Variants in PLEKHA7 observed in about 807,000 individuals in gnomAD.
PLEKHA7 encodes the protein pleckstrin homology domain containing A7, also known as pleckstrin homology domain-containing family A member 7.
In PLEKHA7, 104 loss-of-function variants were observed where a neutral mutation model predicts 170.0. The observed-to-expected ratio is 0.61, with a 90% CI of 0.52 to 0.72. The LOEUF is 0.72. PLEKHA7 is among the 30% of genes least tolerant of loss of function. PLEKHA7 has a pLI of 0.00. For synonymous variants in PLEKHA7, 648 were observed against 660.8 expected (o/e 0.98, Z 0.30); for missense variants, 1,615 against 1,671.7 (o/e 0.97, Z 0.59).
chr11:16,878,284 C>T (rs1855457422), intron 3 of PLEKHA7, among the ~76,000 whole-genome samples: 1 of 152,180 alleles, frequency 6.6e-6, no homozygotes, highest in Non-Finnish European at 1.5e-5. Flanking sequence ...TCTGCTTCTA[C>T]CTTGGCCTCT....
chr11:16,909,891 T>G (rs1327627080), intron 3 of PLEKHA7, among the ~76,000 whole-genome samples: 5 of 152,078 alleles, frequency 3.3e-5, no homozygotes, highest in Non-Finnish European at 7.4e-5. Context: ...TTCGGAAACC[T>G]CACCATAAAA....
At chr11:16,786,879 G>A (rs1157372485) in intron 23 of PLEKHA7, 2 of 985,082 alleles carry the variant, frequency 2.0e-6, no homozygotes, top group Admixed American at 6.2e-5. Context: ...TTCGTAGGTG[G>A]GGGATCTCGC....
At chr11:16,960,536 AGG>A (rs1861992719) in intron 3 of PLEKHA7, among the ~76,000 whole-genome samples, 1 of 152,042 alleles carries the variant, frequency 6.6e-6, no homozygotes, top group Admixed American at 6.5e-5. Flanking sequence ...GCGTCGCCCT[AGG>A]GGTTCTAGGA....
At chr11:16,811,175 C>A (rs941159571) in intron 13 of PLEKHA7, among the ~76,000 whole-genome samples, 4 of 152,202 alleles carry the variant, frequency 2.6e-5, no homozygotes, top group Non-Finnish European at 5.9e-5. Context: ...ACTCCAGGAC[C>A]AACTGTGAGT....
intron 3 of PLEKHA7, among the ~76,000 whole-genome samples, chr11:16,896,455 T>A (rs1193074463): frequency 2.0e-5 from 3 of 152,034 alleles, no homozygotes; most frequent in Non-Finnish European, 4.4e-5. Flanking sequence ...CTGGAAGGCA[T>A]CCTACCTTTT....
At chr11:16,994,696 A>T (rs2136984189) in intron 3 of PLEKHA7, among the ~76,000 whole-genome samples, 1 of 152,168 alleles carries the variant, frequency 6.6e-6, no homozygotes, top group East Asian at 1.9e-4. Context: ...TGCCTGTGCT[A>T]TCCCTCTCCC....
chr11:16,866,370 T>C (rs1199812032), intron 4 of PLEKHA7, among the ~76,000 whole-genome samples: 1 of 151,774 alleles, frequency 6.6e-6, no homozygotes, highest in East Asian at 2.0e-4. Context: ...GGCGGGCAGA[T>C]CACCTGAGGT....
intron 9 of PLEKHA7, among the ~76,000 whole-genome samples, chr11:16,833,243 AGAG>A (rs1159696550): frequency 6.6e-6 from 1 of 152,154 alleles, no homozygotes; most frequent in Non-Finnish European, 1.5e-5. Context: ...TCCCTCCCAC[AGAG>A]AAGAGCGAGG....
chr11:16,871,634 T>A (rs942580571), intron 3 of PLEKHA7, among the ~76,000 whole-genome samples: 1 of 152,192 alleles, frequency 6.6e-6, no homozygotes, highest in Non-Finnish European at 1.5e-5. Context: ...AAATCTATCT[T>A]CTGAAAATTC....
chr11:16,928,652 C>T (rs1031054889), intron 3 of PLEKHA7, among the ~76,000 whole-genome samples: 12 of 151,894 alleles, frequency 7.9e-5, no homozygotes, highest in Non-Finnish European at 8.8e-5. Flanking sequence ...GATGGGGACT[C>T]ACTATGTTGT....
At chr11:16,966,681 C>T (rs1862393220) in intron 3 of PLEKHA7, among the ~76,000 whole-genome samples, 2 of 150,588 alleles carry the variant, frequency 1.3e-5, no homozygotes, top group South Asian at 4.2e-4. Flanking sequence ...CTTAAATTTT[C>T]CATTCGGATT....
chr11:16,866,220 T>C (rs1186011676), intron 4 of PLEKHA7, among the ~76,000 whole-genome samples: 1 of 152,174 alleles, frequency 6.6e-6, no homozygotes, highest in Non-Finnish European at 1.5e-5. Flanking sequence ...TAACTTACTT[T>C]AGCTGAAGAA....
In PLEKHA7 at chr11:16,783,794, C is replaced by G. The variant is rs139712652; in HGVS notation, c.3556G>C (p.Val1186Leu). The G allele has an allele frequency of 2.6e-6, 4 of 1,512,086 alleles. No individual in the cohort carries two copies. The highest frequency in any genetic ancestry group is 3.5e-6 in the Non-Finnish European group (4 of 1,135,444). The allele number at this position is 1,512,086 out of a possible 1,614,324, so 93.7% of individuals were successfully genotyped here. The change falls in exon 25 of 27, where the codon GTG (valine) becomes CTG (leucine). Residue 1186 changes from valine to leucine, a missense_variant. Coordinates refer to ENST00000531066, the MANE Select transcript of PLEKHA7 (RefSeq NM_001329630.2). The part of the protein sequence containing the change: ...PEKVSIPERY[V>L]ELDPEEPPSL... Reference sequence around the variant, plus strand: ...GGTGGCTCTTCGGGATCTAGCTCCACGTAGCGCTCAGGGATTGACACCTTC... The same window carrying G: ...GGTGGCTCTTCGGGATCTAGCTCCAGGTAGCGCTCAGGGATTGACACCTTC...
chr11:16,810,985 A>T (rs1337473500), intron 13 of PLEKHA7, among the ~76,000 whole-genome samples: 1 of 152,164 alleles, frequency 6.6e-6, no homozygotes, highest in East Asian at 1.9e-4. Context: ...ACTTAATAGA[A>T]GTAAAATGCA....
chr11:16,915,510 C>A (rs1259262926), intron 3 of PLEKHA7, among the ~76,000 whole-genome samples: 5 of 112,346 alleles, frequency 4.5e-5, no homozygotes, highest in African/African-American at 1.7e-4. Context: ...TATCCCTCCC[C>A]CCTCCCCCCA....
chr11:16,937,596 A>C (rs1488133246), intron 3 of PLEKHA7, among the ~76,000 whole-genome samples: 1 of 151,974 alleles, frequency 6.6e-6, no homozygotes, highest in Non-Finnish European at 1.5e-5. Context: ...CTATCCCTTA[A>C]CTAGGATGTT....
chr11:16,931,761 C>CAT (rs1859950141), intron 3 of PLEKHA7, among the ~76,000 whole-genome samples: 1 of 146,574 alleles, frequency 6.8e-6, no homozygotes, highest in African/African-American at 2.6e-5. Context: ...TCCATCCCCC[C>CAT]CCCCCCAAAA....
chr11:16,884,570 G>T (rs2135833849), intron 3 of PLEKHA7, among the ~76,000 whole-genome samples: 1 of 152,230 alleles, frequency 6.6e-6, no homozygotes, highest in East Asian at 1.9e-4. Context: ...AGGAGGCGGA[G>T]GTTGCAGTGA....
At chr11:16,811,085 T>C (rs1849340542) in intron 13 of PLEKHA7, among the ~76,000 whole-genome samples, 1 of 152,192 alleles carries the variant, frequency 6.6e-6, no homozygotes, top group South Asian at 2.1e-4. Context: ...TGCCATTCTG[T>C]GGCTCAGTTT....
Sources: allele counts gnomAD v4.1 joint callset (sites outside exome capture counted in the v4.1 genomes callset), GRCh38; gene constraint gnomAD v4.1.1; transcripts MANE v1.5; gene names NCBI Gene and HGNC (gene_info 2026-07-23, HGNC 2026-07-21).